The following TTC28 variants were observed in gnomAD, a reference collection of about 807,000 sequenced individuals.
The protein encoded by TTC28 is tetratricopeptide repeat protein 28.
In TTC28, 61 loss-of-function variants were observed where a neutral mutation model predicts 198.0. The ratio of observed to expected loss-of-function variants is 0.31; its 90% CI spans 0.25 to 0.38. TTC28 has a LOEUF of 0.38. Ranked by LOEUF, TTC28 falls within the 10% of genes least tolerant of loss-of-function variation. The pLI, the probability that TTC28 is intolerant of heterozygous loss-of-function variation, is 1.00. For missense variants in TTC28, 2,678 were observed against 3,164.0 expected, an observed-to-expected ratio of 0.85 and a Z score of 3.69; for synonymous variants, 1,171 against 1,297.8, an observed-to-expected ratio of 0.90 and a Z score of 2.10.
At chr22:28,557,187 A>G (rs1381098507) in intron 2 of TTC28, among the ~76,000 whole-genome samples, 1 of 152,176 alleles carries the variant, frequency 6.6e-6, no homozygotes, top group Non-Finnish European at 1.5e-5. Context: ...GAGCTTTTCT[A>G]TATCTATAAA....
chr22:28,374,424 G>A (rs1219884350), intron 2 of TTC28, among the ~76,000 whole-genome samples: 1 of 152,048 alleles, frequency 6.6e-6, no homozygotes, highest in African/African-American at 2.4e-5. Context: ...TCCTTGCCTT[G>A]AAAAAATATA....
intron 5 of TTC28, among the ~76,000 whole-genome samples, chr22:28,268,444 T>C (rs1344481120): frequency 6.6e-6 from 1 of 152,222 alleles, no homozygotes; most frequent in Non-Finnish European, 1.5e-5. Flanking sequence ...AAAAACATCC[T>C]TGAAGGCAGA....
intron 9 of TTC28, among the ~76,000 whole-genome samples, chr22:28,099,555 G>A (rs1443109901): frequency 6.6e-6 from 1 of 152,150 alleles, no homozygotes; most frequent in African/African-American, 2.4e-5. Context: ...CTGACACCAG[G>A]TAGGTCCTTG....
At chr22:28,070,505 G>A (rs1218022407) in intron 12 of TTC28, among the ~76,000 whole-genome samples, 1 of 152,098 alleles carries the variant, frequency 6.6e-6, no homozygotes, top group Non-Finnish European at 1.5e-5. Flanking sequence ...GTCTAGGCTG[G>A]GTGCAGTGAT....
chr22:28,474,478 G>A (rs1233573768), intron 2 of TTC28, among the ~76,000 whole-genome samples: 1 of 152,202 alleles, frequency 6.6e-6, no homozygotes, highest in Non-Finnish European at 1.5e-5. Context: ...AGCCTGAAGA[G>A]AGGAAAACAA....
chr22:28,398,199 A>G (rs2046846683), intron 2 of TTC28, among the ~76,000 whole-genome samples: 1 of 152,202 alleles, frequency 6.6e-6, no homozygotes, highest in South Asian at 2.1e-4. Context: ...AGAACTATGG[A>G]GCCCAAGTGG....
intron 2 of TTC28, among the ~76,000 whole-genome samples, chr22:28,546,788 A>G (rs116307284): frequency 5.3e-5 from 8 of 152,368 alleles, no homozygotes; most frequent in African/African-American, 1.9e-4. Context: ...ATACCACTCA[A>G]CAATAAAAAG....
At chr22:28,362,332 T>C (rs1217051542) in intron 2 of TTC28, among the ~76,000 whole-genome samples, 1 of 152,186 alleles carries the variant, frequency 6.6e-6, no homozygotes, top group Non-Finnish European at 1.5e-5. Flanking sequence ...CCGTGTAAGA[T>C]GTGACTTGCT....
intron 12 of TTC28, among the ~76,000 whole-genome samples, chr22:28,082,952 T>G (rs1411803194): frequency 1.3e-5 from 2 of 152,332 alleles, no homozygotes; most frequent in East Asian, 1.9e-4. Flanking sequence ...GATATTTTAT[T>G]TCTTCATGAT....
At chr22:28,407,413 C>G (rs2047014192) in intron 2 of TTC28, among the ~76,000 whole-genome samples, 1 of 152,082 alleles carries the variant, frequency 6.6e-6, no homozygotes, top group South Asian at 2.1e-4. Flanking sequence ...TGCCCAGGTT[C>G]CCAGGTTCGG....
chr22:28,297,378 T>C (rs993511420), intron 4 of TTC28, among the ~76,000 whole-genome samples: 2 of 151,906 alleles, frequency 1.3e-5, no homozygotes, highest in Non-Finnish European at 2.9e-5. Flanking sequence ...GCTATTTTTT[T>C]TTTTTTTTAA....
intron 1 of TTC28, among the ~76,000 whole-genome samples, chr22:28,675,502 A>G (rs958760168): frequency 2.4e-4 from 37 of 152,116 alleles, no homozygotes; most frequent in African/African-American, 8.9e-4. Flanking sequence ...CAGTAATCCT[A>G]GCACTTTGGG....
intron 5 of TTC28, among the ~76,000 whole-genome samples, chr22:28,236,062 C>T (rs1335883160): frequency 6.6e-6 from 1 of 152,110 alleles, no homozygotes; most frequent in East Asian, 1.9e-4. Context: ...CAACAGCAGT[C>T]CCAGGTCCAT....
chr22:28,011,506 G>A (rs867380068), intron 14 of TTC28, among the ~76,000 whole-genome samples: 10 of 152,156 alleles, frequency 6.6e-5, no homozygotes, highest in Admixed American at 1.3e-4. Flanking sequence ...TGAGGTCAGG[G>A]GAGTGCTTGA....
intron 2 of TTC28, among the ~76,000 whole-genome samples, chr22:28,471,757 T>C (rs1273951476): frequency 1.3e-5 from 2 of 152,146 alleles, no homozygotes; most frequent in Non-Finnish European, 2.9e-5. Flanking sequence ...AGCAGTGGAG[T>C]GTGATTTCTG....
rs1356182383 is a variant in TTC28 at position 28,646,342 on chromosome 22, T to C, written c.103-16512A>G. 2.6e-5 allele frequency among the ~76,000 whole-genome samples: 4 copies of C among 152,202 alleles called. No individual in the cohort carries two copies. The East Asian group carries it at 5.8e-4, about 22-fold the overall frequency. On this transcript the variant is annotated intron_variant, in intron 1 of 22. Coordinates refer to ENST00000397906, the MANE Select transcript of TTC28 (RefSeq NM_001145418.2). ...AAGATAAAATACATGGGAATATACT[T>C]GACCTGGGAGGTGAAAGATCTCTAT...
intron 6 of TTC28, among the ~76,000 whole-genome samples, chr22:28,157,031 C>T (rs1006946576): frequency 6.6e-6 from 1 of 151,860 alleles, no homozygotes; most frequent in Non-Finnish European, 1.5e-5. Flanking sequence ...AAAAGTTAAA[C>T]AAAATTGACA....
rs536365116 is a variant in TTC28, at chr22:27,992,342, C to A, written c.5553+245G>T. ...AGCCAGTGTCTGCTGGTACGACCTCCCATCATGCCGGTAAGGGGCAGTGCC... is the reference window on the plus strand; with the variant it reads ...AGCCAGTGTCTGCTGGTACGACCTCACATCATGCCGGTAAGGGGCAGTGCC... On this transcript the variant is annotated intron_variant, in intron 19 of 22. Transcript: ENST00000397906. 366 of 552,078 alleles carry A rather than the reference C, an allele frequency of 6.6e-4. 5 individuals carry two copies. The South Asian group carries it at 7.5e-3, about 11-fold the overall frequency. 34.2% of individuals were successfully genotyped at this position (552,078 alleles called of 1,614,324 possible).
intron 2 of TTC28, among the ~76,000 whole-genome samples, chr22:28,602,856 A>C (rs1340398209): frequency 6.6e-6 from 1 of 152,180 alleles, no homozygotes; most frequent in Non-Finnish European, 1.5e-5. Context: ...TAAACTAATA[A>C]ATACACAGAG....
Sources: allele counts gnomAD v4.1 joint callset (sites outside exome capture counted in the v4.1 genomes callset), GRCh38; gene constraint gnomAD v4.1.1; transcripts MANE v1.5; gene names NCBI Gene and HGNC (gene_info 2026-07-23, HGNC 2026-07-21).